The following RC3H1 variants were observed in gnomAD, a reference collection of about 807,000 sequenced individuals.
RC3H1 encodes roquin-1.
In RC3H1, 50 loss-of-function variants were observed where a neutral mutation model predicts 138.2. The observed-to-expected ratio is 0.36, with a 90% confidence interval of 0.29 to 0.46. RC3H1 has a LOEUF of 0.46. Among genes scored for constraint, RC3H1 ranks in the 20% least tolerant of loss-of-function variants. RC3H1 has a pLI of 1.00. For synonymous variants in RC3H1, 462 were observed against 489.1 expected, an observed-to-expected ratio of 0.94 and a Z score of 0.73; for missense variants, 1,031 against 1,388.1, an observed-to-expected ratio of 0.74 and a Z score of 4.09.
chr1:174,015,008 G>T (rs927880940), intron 1 of RC3H1, among the ~76,000 whole-genome samples: 3 of 152,124 alleles, frequency 2.0e-5, no homozygotes, highest in African/African-American at 7.2e-5. Context: ...TGTTGTATAG[G>T]TAACTGCTGT....
intron 6 of RC3H1, among the ~76,000 whole-genome samples, chr1:173,979,630 T>C (rs1660722382): frequency 6.6e-6 from 1 of 152,172 alleles, no homozygotes; most frequent in African/African-American, 2.4e-5. Context: ...CACTCCAGCC[T>C]GGGTGACAGG....
chr1:173,938,595 T>G lies in RC3H1; in HGVS notation c.*126A>C, dbSNP rs1173963599. On this transcript the variant is annotated 3_prime_UTR_variant, in exon 20 of 20. Coordinates refer to ENST00000367696, the MANE Select transcript of RC3H1 (RefSeq NM_172071.4). ...AGTAGTGGTGTTTGTGCACATTGCC[T>G]CTGGTGAATTTCCTGGATTTCTCTG... 1.5e-5 allele frequency: 9 copies of G among 606,712 alleles called. No individual in the cohort carries two copies. Among genetic ancestry groups the G allele is most frequent in the Non-Finnish European group, 2.5e-5 (9 of 362,408 alleles). 37.6% of individuals were successfully genotyped at this position (606,712 alleles called of 1,614,324 possible).
intron 7 of RC3H1, among the ~76,000 whole-genome samples, chr1:173,972,908 TGAG>T (rs1660425930): frequency 6.6e-6 from 1 of 152,156 alleles, no homozygotes; most frequent in Admixed American, 6.5e-5. Flanking sequence ...CTCTCAGTGT[TGAG>T]GAGACAACAA....
intron 1 of RC3H1, among the ~76,000 whole-genome samples, chr1:174,003,402 C>T (rs1661595100): frequency 6.6e-6 from 1 of 151,576 alleles, no homozygotes; most frequent in African/African-American, 2.4e-5. Context: ...CACACACACA[C>T]ACACACACAC....
chr1:173,972,977 A>G (rs1418797030), intron 7 of RC3H1, among the ~76,000 whole-genome samples: 1 of 152,252 alleles, frequency 6.6e-6, no homozygotes, highest in Non-Finnish European at 1.5e-5. Context: ...GAGTATGGTT[A>G]TAACTCAGCT....
chr1:173,975,504 A>G (rs1660536788), intron 7 of RC3H1, among the ~76,000 whole-genome samples: 1 of 151,906 alleles, frequency 6.6e-6, no homozygotes, highest in Admixed American at 6.6e-5. Context: ...GCCAACAAAG[A>G]AAAAAAAGGT....
At chr1:173,973,590 C>T (rs1660456130) in intron 7 of RC3H1, among the ~76,000 whole-genome samples, 1 of 151,342 alleles carries the variant, frequency 6.6e-6, no homozygotes, top group Non-Finnish European at 1.5e-5. Flanking sequence ...AACTCTGCTA[C>T]ATGTTTTCTT....
chr1:174,017,783 C>CAAAA lies in RC3H1; in HGVS notation c.-151+4309_-151+4312dup, dbSNP rs61239660. ...ACCCCTTTAGAACTCTTTTCTTGCTCAAAAAAAAAAAAAAAAAAAAAAAAA... is the reference window on the plus strand; with the variant it reads ...ACCCCTTTAGAACTCTTTTCTTGCTCAAAAAAAAAAAAAAAAAAAAAAAAAAAAA... On this transcript the variant is annotated intron_variant, in intron 1 of 19. Transcript: ENST00000367696. Among the ~76,000 whole-genome samples the CAAAA allele has an allele frequency of 3.3e-3, 239 of 72,008 alleles. 19 individuals are homozygous for CAAAA. The highest frequency in any genetic ancestry group is 0.011 in the African/African-American group (199 of 17,508). The allele number at this position is 72,008 out of a possible 152,430, so 47.2% of individuals were successfully genotyped here.
rs1210974758 is a variant in RC3H1 at position 174,022,151 on chromosome 1, C to G, written c.-206G>C. On this transcript the variant is annotated 5_prime_UTR_variant, in exon 1 of 20. Coordinates refer to ENST00000367696, the MANE Select transcript of RC3H1 (RefSeq NM_172071.4). The surrounding 1 kb of genome is among the most constrained non-coding windows in gnomAD (Gnocchi z 4.2). ...CTCCGAGTCCCCGCGGCCGTCGCCA[C>G]CGCCGCGGCAGCCGCCGCCGCCGCC... The G allele has an allele frequency of 7.6e-6, 3 of 395,976 alleles. No homozygotes were observed. The highest frequency in any genetic ancestry group is 1.3e-5 in the Non-Finnish European group (3 of 224,808). 24.5% of individuals were successfully genotyped at this position (395,976 alleles called of 1,614,324 possible). A position where few individuals can be genotyped will look rare whatever the true frequency, so the allele number is the denominator to read the frequency against.
intron 5 of RC3H1, among the ~76,000 whole-genome samples, chr1:173,981,435 T>C (rs1000970350): frequency 4.6e-5 from 7 of 152,258 alleles, no homozygotes; most frequent in Non-Finnish European, 8.8e-5. Flanking sequence ...GATTTTTGTA[T>C]AGTCAATCTG....
chr1:174,006,164 G>T (rs888987956), intron 1 of RC3H1, among the ~76,000 whole-genome samples: 2 of 152,078 alleles, frequency 1.3e-5, no homozygotes, highest in African/African-American at 4.8e-5. Context: ...CTTAGATCAC[G>T]CCACTGCACT....
chr1:173,983,356 T>C (rs1275746595), intron 4 of RC3H1, 62 bp downstream of exon 4: 10 of 1,580,794 alleles, frequency 6.3e-6, no homozygotes, highest in Admixed American at 5.1e-5. Context: ...ACATCACTTA[T>C]AATTCCTACA....
rs147276380 is a variant in RC3H1, at chr1:173,947,551, C to T, written c.2555G>A (p.Arg852Gln). Residue 852 changes from arginine to glutamine, a missense_variant, in exon 15 of 20, where the codon CGA becomes CAA. Arg to Gln is a conservative substitution (Grantham distance 43, BLOSUM62 1). Transcript: ENST00000367696. ...TGCTGCTCTTCTCTGAAGATCTAAT[C>T]GCTGGTCCCTCATTCCTTTACTCTC... Reference protein sequence around the residue: ...NVESKGMRDQRLDLQRRAAET... With the variant: ...NVESKGMRDQQLDLQRRAAET... The T allele has an allele frequency of 4.6e-4, 741 of 1,613,842 alleles. 2 individuals are homozygous for T. Among genetic ancestry groups the T allele is most frequent in the Admixed American group, 1.9e-3 (111 of 59,978 alleles).
intron 10 of RC3H1, among the ~76,000 whole-genome samples, chr1:173,964,444 T>G (rs1176089110): frequency 6.6e-6 from 1 of 152,166 alleles, no homozygotes; most frequent in Non-Finnish European, 1.5e-5. Flanking sequence ...CTCGGCTTAC[T>G]GCAACCTCCG....
In RC3H1 at chr1:173,974,557, A is replaced by G. The variant is rs528641869; in HGVS notation, c.1103-1930T>C. 2.0e-5 allele frequency among the ~76,000 whole-genome samples: 3 copies of G among 152,316 alleles called. No individual in the cohort carries two copies. In the South Asian group the frequency reaches 6.2e-4, roughly 32 times the overall value. ...GACATGCAGAATAATATACCAAGGGAAAAACATCCAAGTTAGAGGGAAGAA... is the reference window on the plus strand; with the variant it reads ...GACATGCAGAATAATATACCAAGGGGAAAACATCCAAGTTAGAGGGAAGAA... On this transcript the variant is annotated intron_variant, in intron 7 of 19. Coordinates refer to ENST00000367696, the MANE Select transcript of RC3H1 (RefSeq NM_172071.4).
At chr1:173,988,214 T>C (rs1032294492) in intron 2 of RC3H1, among the ~76,000 whole-genome samples, 1 of 152,110 alleles carries the variant, frequency 6.6e-6, no homozygotes. Context: ...TAAGAAATAC[T>C]GTTTCACCAA....
chr1:173,974,361 C>T (rs940344025), intron 7 of RC3H1, among the ~76,000 whole-genome samples: 1 of 151,074 alleles, frequency 6.6e-6, no homozygotes, highest in African/African-American at 2.4e-5. Flanking sequence ...GATTAAAGAC[C>T]TGAAAGAAGG....
intron 18 of RC3H1, among the ~76,000 whole-genome samples, chr1:173,942,137 G>A (rs1658899321): frequency 6.6e-6 from 1 of 151,522 alleles, no homozygotes; most frequent in African/African-American, 2.4e-5. Flanking sequence ...GGCTACTTGG[G>A]AGGCTGAGGC....
chr1:173,947,571 A>C lies in RC3H1; in HGVS notation c.2535T>G (p.Ser845Arg). The C allele has an allele frequency of 6.2e-7, 1 of 1,613,316 alleles. No homozygotes were observed. Among genetic ancestry groups the C allele is most frequent in the Non-Finnish European group, 8.5e-7 (1 of 1,179,784 alleles). The part of the protein sequence containing the change: ...AGSVEMMNVE[S>R]KGMRDQRLDL... ...CTAATCGCTGGTCCCTCATTCCTTT[A>C]CTCTCCACATTCTGATAAAAAAGCA... The change falls in exon 15 of 20, where the codon AGT (serine) becomes AGG (arginine). Residue 845 changes from serine (S) to arginine (R), a missense_variant. By Grantham distance (110) the Ser-to-Arg change is moderately radical (BLOSUM62 -1). Transcript: ENST00000367696.
Sources: allele counts gnomAD v4.1 joint callset (sites outside exome capture counted in the v4.1 genomes callset), GRCh38; gene constraint gnomAD v4.1.1; non-coding constraint Gnocchi (gnomAD v3.1); transcripts MANE v1.5; gene names NCBI Gene and HGNC (gene_info 2026-07-23, HGNC 2026-07-21).